IMMP2L: variants seen among roughly 807,000 people sequenced by gnomAD.
The protein encoded by IMMP2L is inner mitochondrial membrane peptidase subunit 2, also known as mitochondrial inner membrane protease subunit 2.
IMMP2L carries 18 observed loss-of-function variants against 19.3 expected under a neutral mutation model. The ratio of observed to expected loss-of-function variants is 0.93; its 90% confidence interval spans 0.64 to 1.38. IMMP2L has a LOEUF of 1.38. IMMP2L is among the 40% of genes most tolerant of loss of function. The probability of loss-of-function intolerance (pLI) is 0.00; values close to 1 mark genes in which losing one functional copy is unlikely to be tolerated. For missense variants in IMMP2L, 233 were observed against 218.2 expected (o/e 1.07, Z -0.43); for synonymous variants, 76 against 73.0 (o/e 1.04, Z -0.21).
intron 3 of IMMP2L, among the ~76,000 whole-genome samples, chr7:111,142,640 C>T (rs214845): frequency 0.094 from 14,229 of 152,056 alleles, 1,553 homozygotes; most frequent in African/African-American, 0.27. Context: ...TTCCAAACAT[C>T]ATTAACAGAG....
chr7:111,128,223 G>A (rs1025266879), intron 3 of IMMP2L, among the ~76,000 whole-genome samples: 1 of 151,964 alleles, frequency 6.6e-6, no homozygotes, highest in Non-Finnish European at 1.5e-5. Context: ...ACAGGAAAAA[G>A]AGAAATAAAT....
chr7:111,211,484 T>C (rs1586848319), intron 3 of IMMP2L, among the ~76,000 whole-genome samples: 3 of 152,266 alleles, frequency 2.0e-5, no homozygotes, highest in South Asian at 4.1e-4. Context: ...GGTCAAAACA[T>C]TGTTGAATAT....
intron 3 of IMMP2L, among the ~76,000 whole-genome samples, chr7:111,031,116 T>C (rs1790765885): frequency 6.6e-6 from 1 of 151,808 alleles, no homozygotes; most frequent in Admixed American, 6.6e-5. Context: ...GATAATTACA[T>C]ATAGTAATGT....
intron 3 of IMMP2L, among the ~76,000 whole-genome samples, chr7:111,235,264 G>C (rs1280223302): frequency 1.3e-5 from 2 of 152,054 alleles, no homozygotes; most frequent in African/African-American, 4.8e-5. Flanking sequence ...CTGAGGTCAG[G>C]AGTTCAAGGC....
At chr7:110,819,252 T>C (rs139411903) in intron 5 of IMMP2L, among the ~76,000 whole-genome samples, 4 of 151,992 alleles carry the variant, frequency 2.6e-5, no homozygotes, top group Admixed American at 2.0e-4. Flanking sequence ...AAGGTAAAGA[T>C]AGGTTACAGC....
At chr7:110,687,967 A>C (rs1186769985) in intron 5 of IMMP2L, among the ~76,000 whole-genome samples, 1 of 151,104 alleles carries the variant, frequency 6.6e-6, no homozygotes, top group Admixed American at 6.6e-5. Flanking sequence ...CTCTTGGAAA[A>C]GAGCCATCAT....
chr7:111,421,829 C>T (rs888187204), intron 3 of IMMP2L, among the ~76,000 whole-genome samples: 4 of 151,674 alleles, frequency 2.6e-5, no homozygotes, highest in African/African-American at 9.7e-5. Flanking sequence ...GCCTAGGTTT[C>T]CTTCTAGGGT....
intron 3 of IMMP2L, among the ~76,000 whole-genome samples, chr7:111,016,870 CAT>C (rs1825723424): frequency 1.3e-5 from 1 of 75,412 alleles, no homozygotes; most frequent in South Asian, 3.5e-4. Context: ...TAATATATTA[CAT>C]ATAATATATA....
intron 3 of IMMP2L, among the ~76,000 whole-genome samples, chr7:111,261,305 C>G: frequency 6.6e-6 from 1 of 152,104 alleles, no homozygotes; most frequent in East Asian, 1.9e-4. Context: ...TGATTTCCCT[C>G]CCTGACCAGA....
chr7:110,732,794 T>C (rs1025756879), intron 5 of IMMP2L, among the ~76,000 whole-genome samples: 2 of 146,476 alleles, frequency 1.4e-5, no homozygotes, highest in Non-Finnish European at 3.0e-5. Flanking sequence ...ATGAATTTCT[T>C]TTTTTTTTTT....
intron 5 of IMMP2L, among the ~76,000 whole-genome samples, chr7:110,811,853 C>G (rs1802062116): frequency 6.6e-6 from 1 of 151,970 alleles, no homozygotes. Context: ...GACTCCACCT[C>G]TGGCTTAAGA....
rs185636337 is a variant in IMMP2L at position 111,464,059 on chromosome 7, G to C, written c.239+23179C>G. On this transcript the variant is annotated intron_variant, in intron 3 of 5. Coordinates refer to ENST00000405709, the MANE Select transcript of IMMP2L (RefSeq NM_032549.4). ...TCTAGAAGGATATGGCAGAGGTCAG[G>C]AGCATGGATTGTGAAGGCAGACTGC... Among the ~76,000 whole-genome samples the C allele has an allele frequency of 4.6e-3, 693 of 152,186 alleles. 1 individual carries two copies. The highest frequency in any genetic ancestry group is 6.6e-3 in the South Asian group (32 of 4,814).
chr7:110,730,673 A>C (rs10245348), intron 5 of IMMP2L, among the ~76,000 whole-genome samples: 8,031 of 151,984 alleles, frequency 0.053, 586 homozygotes, highest in African/African-American at 0.17. Context: ...TACAGGCGCC[A>C]GCCACCACGC....
At chr7:110,892,837 A>T (rs1810944509) in intron 4 of IMMP2L, among the ~76,000 whole-genome samples, 1 of 152,192 alleles carries the variant, frequency 6.6e-6, no homozygotes, top group East Asian at 1.9e-4. Context: ...AAAAATCAAC[A>T]GTCACATAAT....
chr7:111,156,890 T>C (rs931205407), intron 3 of IMMP2L, among the ~76,000 whole-genome samples: 5 of 151,936 alleles, frequency 3.3e-5, no homozygotes, highest in Non-Finnish European at 7.4e-5. Context: ...TTAATAGATA[T>C]GACTATTCAA....
chr7:111,273,059 C>T (rs1818644768), intron 3 of IMMP2L, among the ~76,000 whole-genome samples: 1 of 152,092 alleles, frequency 6.6e-6, no homozygotes, highest in African/African-American at 2.4e-5. Context: ...GGGCAAACCA[C>T]TTGAGGTCAG....
chr7:111,513,142 GAAGA>G (rs898748872), intron 2 of IMMP2L, among the ~76,000 whole-genome samples: 5 of 152,040 alleles, frequency 3.3e-5, no homozygotes, highest in African/African-American at 1.2e-4. Context: ...AAAAGTTTCT[GAAGA>G]GAGAAGGAAA....
chr7:110,690,919 C>G (rs1455367078), intron 5 of IMMP2L, among the ~76,000 whole-genome samples: 1 of 151,976 alleles, frequency 6.6e-6, no homozygotes, highest in Non-Finnish European at 1.5e-5. Flanking sequence ...AGATTGAATG[C>G]AATCCACATC....
chr7:111,082,946 C>T (rs924206306), intron 3 of IMMP2L, among the ~76,000 whole-genome samples: 4 of 150,636 alleles, frequency 2.7e-5, no homozygotes, highest in African/African-American at 9.8e-5. Flanking sequence ...CTGTCCTATT[C>T]TTGTTCCTTC....
Sources: allele counts gnomAD v4.1 joint callset (sites outside exome capture counted in the v4.1 genomes callset), GRCh38; gene constraint gnomAD v4.1.1; transcripts MANE v1.5; gene names NCBI Gene and HGNC (gene_info 2026-07-23, HGNC 2026-07-21).